The following STK10 variants were observed in gnomAD, a reference collection of about 807,000 sequenced individuals.
STK10 encodes serine/threonine-protein kinase 10.
In STK10, 78 loss-of-function variants were observed where a neutral mutation model predicts 113.8. That is an observed-to-expected ratio of 0.69 (90% CI 0.57 to 0.83). The LOEUF is 0.83. Ranked by LOEUF, STK10 falls within the 40% of genes least tolerant of loss-of-function variation. STK10 has a pLI of 0.00. For missense variants in STK10, 1,109 were observed against 1,280.1 expected (o/e 0.87, Z 2.04); for synonymous variants, 465 against 494.7 (o/e 0.94, Z 0.80).
intron 1 of STK10, among the ~76,000 whole-genome samples, chr5:172,184,139 T>C (rs1159099905): frequency 1.3e-5 from 2 of 152,110 alleles, no homozygotes; most frequent in Non-Finnish European, 2.9e-5. Flanking sequence ...TCAGGTGCCG[T>C]GTCAAAATGG....
intron 12 of STK10, among the ~76,000 whole-genome samples, chr5:172,066,227 A>C (rs1768066206): frequency 6.6e-6 from 1 of 152,200 alleles, no homozygotes; most frequent in Non-Finnish European, 1.5e-5. Flanking sequence ...CAAATATGAA[A>C]GCAGCTACTT....
Position 172,068,915 on chromosome 5 carries a change from A to C in STK10, c.1990-4103T>G, listed in dbSNP as rs141864216. ...AAAAAAACAAAACCAAAAACGTGAC[A>C]ATTATAACAAAATTGAGAAAGTATC... On this transcript the variant is annotated intron_variant, in intron 12 of 18. Coordinates refer to ENST00000176763, the MANE Select transcript of STK10 (RefSeq NM_005990.4). Among the ~76,000 whole-genome samples the C allele has an allele frequency of 3.0e-3, 451 of 152,156 alleles. 4 individuals are homozygous for C. The highest frequency in any genetic ancestry group is 0.01 in the African/African-American group (436 of 41,534).
At chr5:172,102,231 C>T (rs11745517) in intron 7 of STK10, among the ~76,000 whole-genome samples, 13,502 of 152,056 alleles carry the variant, frequency 0.089, 641 homozygotes, top group East Asian at 0.11. Flanking sequence ...AGTCTAGGCA[C>T]GTACCGAATG....
intron 7 of STK10, among the ~76,000 whole-genome samples, chr5:172,101,487 A>G (rs1337044750): frequency 1.3e-5 from 2 of 151,368 alleles, no homozygotes; most frequent in African/African-American, 4.9e-5. Context: ...AAAAAAAAAA[A>G]AGTCAATTTA....
intron 4 of STK10, among the ~76,000 whole-genome samples, chr5:172,109,657 C>T (rs879769516): frequency 2.0e-5 from 3 of 152,172 alleles, no homozygotes; most frequent in Non-Finnish European, 4.4e-5. Flanking sequence ...TTTCCTCACA[C>T]ACCCGCTGCT....
chr5:172,134,089 C>T (rs1410532014), intron 2 of STK10, among the ~76,000 whole-genome samples: 1 of 152,200 alleles, frequency 6.6e-6, no homozygotes, highest in Non-Finnish European at 1.5e-5. Flanking sequence ...AACTACTGCT[C>T]AATGGGAATT....
intron 12 of STK10, among the ~76,000 whole-genome samples, chr5:172,068,884 C>CAAAAAAAAA (rs57550509): frequency 2.4e-5 from 3 of 126,434 alleles, no homozygotes; most frequent in African/African-American, 9.7e-5. Flanking sequence ...GACTCTGCCT[C>CAAAAAAAAA]AAAAAAAAAA....
intron 1 of STK10, among the ~76,000 whole-genome samples, chr5:172,165,328 C>T (rs144161546): frequency 1.0e-3 from 159 of 152,346 alleles, no homozygotes; most frequent in Non-Finnish European, 1.6e-3. Flanking sequence ...TCCACCAAGG[C>T]GAATGCAGAG....
At chr5:172,064,491 T>C in intron 13 of STK10, 1 of 589,170 alleles carries the variant, frequency 1.7e-6, no homozygotes. Context: ...CAATGTAAAG[T>C]GTTGGGGTAT....
At chr5:172,103,370 G>A (rs1022434447) in intron 7 of STK10, among the ~76,000 whole-genome samples, 1 of 152,236 alleles carries the variant, frequency 6.6e-6, no homozygotes, top group South Asian at 2.1e-4. Flanking sequence ...CTTTCTGCTG[G>A]ACGGTAAGAA....
At chr5:172,046,692 A>G (rs1428743391) in intron 18 of STK10, among the ~76,000 whole-genome samples, 1 of 152,254 alleles carries the variant, frequency 6.6e-6, no homozygotes, top group East Asian at 1.9e-4. Flanking sequence ...TGTGACAGAT[A>G]GTAAACATTT....
chr5:172,166,977 T>C (rs1770582930), intron 1 of STK10, among the ~76,000 whole-genome samples: 2 of 151,784 alleles, frequency 1.3e-5, no homozygotes, highest in Non-Finnish European at 2.9e-5. Context: ...CTGACCAACA[T>C]AGTGAAACCC....
chr5:172,120,077 C>A lies in STK10; in HGVS notation c.371-2447G>T, dbSNP rs925076822. 3.9e-5 allele frequency among the ~76,000 whole-genome samples: 6 copies of A among 151,920 alleles called. No homozygotes were observed. The highest frequency in any genetic ancestry group is 1.2e-4 in the African/African-American group (5 of 41,370). On this transcript the variant is annotated intron_variant, in intron 3 of 18. Coordinates refer to ENST00000176763, the MANE Select transcript of STK10 (RefSeq NM_005990.4). The surrounding 1 kb of genome is among the most constrained non-coding windows in gnomAD (Gnocchi z 4.0). ...GTGGGAGGAGGGGAGTGAGAAGATT[C>A]CAAGGTGACAGCCTTGTGCTCTGCG...
At chr5:172,136,231 G>A (rs1769855801) in intron 2 of STK10, among the ~76,000 whole-genome samples, 1 of 152,034 alleles carries the variant, frequency 6.6e-6, no homozygotes, top group Non-Finnish European at 1.5e-5. Flanking sequence ...ACACAACCTG[G>A]CAAGCCTGGA....
intron 13 of STK10, among the ~76,000 whole-genome samples, chr5:172,062,052 G>A (rs34617564): frequency 0.012 from 1,724 of 149,828 alleles, 34 homozygotes; most frequent in African/African-American, 0.04. Flanking sequence ...ATCTCAGCTC[G>A]CTGCAACCTC....
intron 2 of STK10, among the ~76,000 whole-genome samples, chr5:172,141,922 G>A (rs949636614): frequency 6.6e-6 from 1 of 152,190 alleles, no homozygotes; most frequent in African/African-American, 2.4e-5. Flanking sequence ...CTTGCTACGG[G>A]ATCCTGGCAG....
chr5:172,116,648 A>C (rs962503364), intron 4 of STK10, among the ~76,000 whole-genome samples: 7 of 151,916 alleles, frequency 4.6e-5, no homozygotes, highest in Non-Finnish European at 1.0e-4. Flanking sequence ...CGGGTGGTTC[A>C]CTTGTGGTCA....
In STK10 at chr5:172,187,508, G is replaced by T; in HGVS notation, c.156+379C>A. On this transcript the variant is annotated intron_variant, in intron 1 of 18. Transcript: ENST00000176763. The surrounding 1 kb of genome is among the most constrained non-coding windows in gnomAD (Gnocchi z 4.6). ...TGTGGTCTCTCTTAAAAAAAAAAGT[G>T]TGCCCGTATCGCCGTTTTACGGAAC... Among the ~76,000 whole-genome samples, 1 of 152,056 alleles carries T rather than the reference G, an allele frequency of 6.6e-6. No homozygotes were observed. Among genetic ancestry groups the T allele is most frequent in the Non-Finnish European group, 1.5e-5 (1 of 68,016 alleles).
chr5:172,138,828 C>A (rs746136029), intron 2 of STK10, among the ~76,000 whole-genome samples: 1 of 151,930 alleles, frequency 6.6e-6, no homozygotes, highest in African/African-American at 2.4e-5. Context: ...CTGGCTAACA[C>A]AGTGAAACCC....
Sources: gnomAD v4.1 joint callset for allele counts (sites outside exome capture counted in the v4.1 genomes callset) on GRCh38, gnomAD v4.1.1 for gene constraint, Gnocchi (gnomAD v3.1) non-coding constraint, MANE v1.5 for transcripts, NCBI Gene and HGNC (gene_info 2026-07-23, HGNC 2026-07-21) for gene names.